PTPRN2: variants seen among roughly 807,000 people sequenced by gnomAD.
PTPRN2 encodes protein tyrosine phosphatase receptor type N2.
In PTPRN2, 74 loss-of-function variants were observed where a neutral mutation model predicts 118.8. The ratio of observed to expected loss-of-function variants is 0.62; its 90% CI spans 0.52 to 0.76. PTPRN2 has a LOEUF of 0.76. Ranked by LOEUF, PTPRN2 falls within the 30% of genes least tolerant of loss-of-function variation. The probability of loss-of-function intolerance (pLI) is 0.00; values close to 1 mark genes in which losing one functional copy is unlikely to be tolerated. For missense variants in PTPRN2, 1,481 were observed against 1,394.4 expected (o/e 1.06, Z -0.99); for synonymous variants, 641 against 608.0 (o/e 1.05, Z -0.80).
intron 11 of PTPRN2, among the ~76,000 whole-genome samples, chr7:157,982,196 C>G (rs868065033): frequency 7.7e-6 from 1 of 130,538 alleles, no homozygotes; most frequent in South Asian, 2.3e-4. Flanking sequence ...CAGGGTCCCC[C>G]CTAAACCCCG....
intron 10 of PTPRN2, among the ~76,000 whole-genome samples, chr7:158,103,620 C>T (rs1233654368): frequency 6.6e-6 from 1 of 152,100 alleles, no homozygotes; most frequent in Non-Finnish European, 1.5e-5. Context: ...TAGCACTGTC[C>T]GATTTGTTTG....
intron 10 of PTPRN2, among the ~76,000 whole-genome samples, chr7:158,091,774 T>G (rs111438164): frequency 4.5e-5 from 5 of 110,416 alleles, no homozygotes; most frequent in Non-Finnish European, 9.3e-5. Flanking sequence ...AGAGAGATGG[T>G]TGGGTGGGTG....
intron 11 of PTPRN2, among the ~76,000 whole-genome samples, chr7:158,068,096 A>G (rs1383254855): frequency 1.3e-5 from 2 of 152,222 alleles, no homozygotes; most frequent in African/African-American, 4.8e-5. Flanking sequence ...GGTGGGCAAC[A>G]GGACTTGGTG....
At chr7:157,885,582 A>G (rs1024545519) in intron 12 of PTPRN2, among the ~76,000 whole-genome samples, 1 of 152,202 alleles carries the variant, frequency 6.6e-6, no homozygotes, top group Non-Finnish European at 1.5e-5. Context: ...TCTGCTCATC[A>G]GCGTCCATGT....
intron 9 of PTPRN2, among the ~76,000 whole-genome samples, chr7:158,128,230 T>C (rs1817857827): frequency 6.6e-6 from 1 of 152,230 alleles, no homozygotes; most frequent in Non-Finnish European, 1.5e-5. Flanking sequence ...AAATTATTAG[T>C]CTGATAATAG....
Position 157,990,954 on chromosome 7 carries a change from G to A in PTPRN2, c.1723+90344C>T, listed in dbSNP as rs532915875. ...GCAAGATGTGCCCCAGATCCCCAGA[G>A]TCCAGCGAACTTCCCTGGCCCTGGC... On this transcript the variant is annotated intron_variant, in intron 11 of 22. Transcript: ENST00000389418. The surrounding 1 kb of genome is among the most constrained non-coding windows in gnomAD (Gnocchi z 4.3). Among the ~76,000 whole-genome samples the A allele has an allele frequency of 2.0e-5, 3 of 152,350 alleles. No homozygotes were observed. Among genetic ancestry groups the A allele is most frequent in the African/African-American group, 4.8e-5 (2 of 41,568 alleles).
chr7:158,489,238 G>C (rs2129445375), intron 2 of PTPRN2, among the ~76,000 whole-genome samples: 1 of 152,308 alleles, frequency 6.6e-6, no homozygotes, highest in East Asian at 1.9e-4. Context: ...CTGAAGTCAG[G>C]AGTTCGAGAC....
At chr7:158,110,313 C>T (rs1209465859) in intron 10 of PTPRN2, among the ~76,000 whole-genome samples, 1 of 152,248 alleles carries the variant, frequency 6.6e-6, no homozygotes, top group East Asian at 1.9e-4. Flanking sequence ...GTGTACTCAC[C>T]CACCAGCCCT....
intron 9 of PTPRN2, among the ~76,000 whole-genome samples, chr7:158,115,749 G>A (rs1816678062): frequency 6.6e-6 from 1 of 152,032 alleles, no homozygotes; most frequent in Non-Finnish European, 1.5e-5. Flanking sequence ...CCCCATCCAT[G>A]GTGCTTTGTT....
chr7:158,071,337 G>A (rs1167518139), intron 11 of PTPRN2, among the ~76,000 whole-genome samples: 6 of 126,524 alleles, frequency 4.7e-5, no homozygotes, highest in Admixed American at 8.0e-5. Context: ...GCCCATGGTG[G>A]TGGAGGTGCT....
chr7:157,944,333 A>G lies in PTPRN2; in HGVS notation c.1724-45596T>C, dbSNP rs899383855. Among the ~76,000 whole-genome samples, 3 of 152,190 alleles carry G rather than the reference A, an allele frequency of 2.0e-5. No homozygotes were observed. Among genetic ancestry groups the G allele is most frequent in the African/African-American group, 7.2e-5 (3 of 41,446 alleles). On this transcript the variant is annotated intron_variant, in intron 11 of 22. Coordinates refer to ENST00000389418, the MANE Select transcript of PTPRN2 (RefSeq NM_002847.5). The surrounding 1 kb of genome is among the most constrained non-coding windows in gnomAD (Gnocchi z 4.3). ...CTCGGTCAGTGGAGCCCACCACCCA[A>G]GCGGGGGCGGTACCACTCCCACCAC... is the stretch of plus-strand genomic sequence containing the variant.
chr7:157,708,553 C>T (rs920866952), intron 12 of PTPRN2, among the ~76,000 whole-genome samples: 3 of 152,154 alleles, frequency 2.0e-5, no homozygotes, highest in African/African-American at 4.8e-5. Context: ...CCAGGGCTCT[C>T]GGTGAGACTG....
intron 11 of PTPRN2, among the ~76,000 whole-genome samples, chr7:157,939,068 C>T (rs1364684821): frequency 6.6e-6 from 1 of 152,050 alleles, no homozygotes; most frequent in Admixed American, 6.5e-5. Context: ...GCATGCAGGT[C>T]CCCACCTCAA....
At chr7:157,659,006 C>T (rs927972607) in intron 13 of PTPRN2, among the ~76,000 whole-genome samples, 1 of 151,920 alleles carries the variant, frequency 6.6e-6, no homozygotes, top group African/African-American at 2.4e-5. Context: ...CTCCCTTCAC[C>T]CCGGGGTGCC....
At chr7:158,117,850 T>G (rs1009158827) in intron 9 of PTPRN2, among the ~76,000 whole-genome samples, 4 of 151,806 alleles carry the variant, frequency 2.6e-5, no homozygotes, top group African/African-American at 9.7e-5. Context: ...GAAGAAGAAA[T>G]TAAGACATTC....
chr7:157,713,709 G>A (rs534736296), intron 12 of PTPRN2, among the ~76,000 whole-genome samples: 1 of 152,238 alleles, frequency 6.6e-6, no homozygotes, highest in East Asian at 1.9e-4. Flanking sequence ...TTATTCCGGC[G>A]TCTTTCCCAA....
intron 12 of PTPRN2, among the ~76,000 whole-genome samples, chr7:157,771,690 GACAC>G (rs1207290217): frequency 1.3e-5 from 2 of 151,464 alleles, no homozygotes; most frequent in Non-Finnish European, 2.9e-5. Context: ...CACACATGCA[GACAC>G]ACAAACACAC....
intron 2 of PTPRN2, among the ~76,000 whole-genome samples, chr7:158,322,165 C>T (rs1031444230): frequency 2.1e-4 from 32 of 152,296 alleles, no homozygotes; most frequent in Admixed American, 1.9e-3. Flanking sequence ...GCCCCACACC[C>T]TCGTCCCAGG....
In PTPRN2 at chr7:158,133,678, CTCTG is replaced by C. The variant is rs769325798; in HGVS notation, c.1551_1554del (p.Asp517GlufsTer37). ...AGCTTAGCCAGGGCTGCTACTCACT[CTCTG>C]TCTGTCACGATGTAGCCCCGCGCCT... On this transcript the variant is annotated frameshift_variant and splice_region_variant, in exon 9 of 23. Coordinates refer to ENST00000389418, the MANE Select transcript of PTPRN2 (RefSeq NM_002847.5). LOFTEE classifies it high-confidence loss of function. 1.4e-5 allele frequency: 22 copies of C among 1,572,694 alleles called. No homozygotes were observed. Among genetic ancestry groups the C allele is most frequent in the Non-Finnish European group, 1.7e-5 (20 of 1,159,816 alleles).
Sources: gnomAD v4.1 joint callset for allele counts (sites outside exome capture counted in the v4.1 genomes callset) on GRCh38, gnomAD v4.1.1 for gene constraint, Gnocchi (gnomAD v3.1) non-coding constraint, MANE v1.5 for transcripts, NCBI Gene and HGNC (gene_info 2026-07-23, HGNC 2026-07-21) for gene names.